SEMA6D: variants seen among roughly 807,000 people sequenced by gnomAD.
SEMA6D encodes the protein semaphorin-6D.
In SEMA6D, 35 loss-of-function variants were observed where a neutral mutation model predicts 106.6. The observed-to-expected ratio is 0.33, with a 90% CI of 0.25 to 0.44. The LOEUF (loss-of-function observed/expected upper bound fraction) is 0.44. SEMA6D is among the 20% of genes least tolerant of loss of function. SEMA6D has a pLI of 1.00. For synonymous variants in SEMA6D, 499 were observed against 487.7 expected (o/e 1.02, Z -0.31); for missense variants, 1,185 against 1,345.9 (o/e 0.88, Z 1.87).
At chr15:47,248,124 C>T (rs1432657807) in intron 1 of SEMA6D, among the ~76,000 whole-genome samples, 1 of 152,122 alleles carries the variant, frequency 6.6e-6, no homozygotes, top group African/African-American at 2.4e-5. Context: ...AGCCATGAAC[C>T]CAGTGGAACC....
At chr15:47,263,617 A>G (rs2034179373) in intron 1 of SEMA6D, among the ~76,000 whole-genome samples, 2 of 151,984 alleles carry the variant, frequency 1.3e-5, no homozygotes, top group South Asian at 4.1e-4. Context: ...AATTAGTTCA[A>G]CCATTGCGGA....
chr15:47,477,323 T>A (rs560759869), intron 3 of SEMA6D, among the ~76,000 whole-genome samples: 2 of 152,204 alleles, frequency 1.3e-5, no homozygotes, highest in East Asian at 3.9e-4. Context: ...CTTCTTGGGG[T>A]TATCTGGTTG....
At chr15:47,293,969 T>C (rs1207079892) in intron 1 of SEMA6D, among the ~76,000 whole-genome samples, 1 of 152,194 alleles carries the variant, frequency 6.6e-6, no homozygotes, top group African/African-American at 2.4e-5. Flanking sequence ...TTGGTATTTA[T>C]TCTGCAACGT....
chr15:47,702,716 C>T (rs2078837649), intron 4 of SEMA6D, among the ~76,000 whole-genome samples: 1 of 151,974 alleles, frequency 6.6e-6, no homozygotes, highest in Admixed American at 6.6e-5. Context: ...TATGAAAAGA[C>T]ATGTGAGGAA....
chr15:47,604,514 C>T (rs1398762318), intron 4 of SEMA6D, among the ~76,000 whole-genome samples: 1 of 152,154 alleles, frequency 6.6e-6, no homozygotes, highest in African/African-American at 2.4e-5. Flanking sequence ...GTCCAGGAGA[C>T]GTCTTGAAAC....
chr15:47,251,920 T>TCTTCA (rs1341926900), intron 1 of SEMA6D, among the ~76,000 whole-genome samples: 2 of 131,970 alleles, frequency 1.5e-5, no homozygotes, highest in African/African-American at 5.9e-5. Context: ...TTTTTTTTTT[T>TCTTCA]TTTTTTTTTT....
At chr15:47,409,693 C>T (rs1015916554) in intron 1 of SEMA6D, among the ~76,000 whole-genome samples, 11 of 151,986 alleles carry the variant, frequency 7.2e-5, no homozygotes, top group Admixed American at 2.6e-4. Flanking sequence ...AGTTATTTGT[C>T]AAAAGCCACC....
At chr15:47,440,731 T>C (rs1356699925) in intron 2 of SEMA6D, among the ~76,000 whole-genome samples, 2 of 152,058 alleles carry the variant, frequency 1.3e-5, no homozygotes, top group African/African-American at 4.8e-5. Flanking sequence ...GGATTTTGTG[T>C]TGGTCAATAA....
intron 4 of SEMA6D, among the ~76,000 whole-genome samples, chr15:47,648,479 A>AGAATGAATGAAT (rs112820950): frequency 0.076 from 11,551 of 151,014 alleles, 534 homozygotes; most frequent in Middle Eastern, 0.11. Flanking sequence ...ACTGGGTTGG[A>AGAATGAATGAAT]GAATGAATGA....
At chr15:47,744,604 C>T (rs1271217605) in intron 1 of SEMA6D, among the ~76,000 whole-genome samples, 6 of 152,066 alleles carry the variant, frequency 3.9e-5, no homozygotes, top group East Asian at 1.9e-4. Context: ...TCATCTGGGA[C>T]GCCATCAGAA....
intron 1 of SEMA6D, among the ~76,000 whole-genome samples, chr15:47,187,431 A>G (rs1404804521): frequency 6.6e-6 from 1 of 152,176 alleles, no homozygotes; most frequent in Non-Finnish European, 1.5e-5. Flanking sequence ...CAAAACTTAT[A>G]TTTAAACGTA....
chr15:47,196,852 A>G (rs1392722531), intron 1 of SEMA6D, among the ~76,000 whole-genome samples: 5 of 152,196 alleles, frequency 3.3e-5, no homozygotes, highest in Admixed American at 2.0e-4. Context: ...CATAATATCA[A>G]TTATAGAAGA....
At chr15:47,541,680 G>A (rs1055143463) in intron 3 of SEMA6D, among the ~76,000 whole-genome samples, 3 of 152,180 alleles carry the variant, frequency 2.0e-5, no homozygotes, top group South Asian at 2.1e-4. Context: ...ATCTACAGAT[G>A]ATCGGGGGAA....
At chr15:47,672,213 C>G (rs2413880) in intron 4 of SEMA6D, among the ~76,000 whole-genome samples, 3 of 152,160 alleles carry the variant, frequency 2.0e-5, no homozygotes, top group African/African-American at 7.2e-5. Flanking sequence ...GAAGCCTGGC[C>G]TCAGAGCCTG....
At chr15:47,523,983 C>T (rs1463816162) in intron 3 of SEMA6D, among the ~76,000 whole-genome samples, 2 of 152,156 alleles carry the variant, frequency 1.3e-5, no homozygotes, top group Non-Finnish European at 2.9e-5. Context: ...ATGTTAAACA[C>T]CCTCGGCAGA....
chr15:47,218,138 T>G lies in SEMA6D; in HGVS notation c.-239+33720T>G, dbSNP rs369350342. Among the ~76,000 whole-genome samples the G allele has an allele frequency of 3.3e-5, 5 of 152,258 alleles. No homozygotes were observed. The East Asian group carries it at 9.7e-4, about 29-fold the overall frequency. ...CTAGGTTGTTATTGTTATTGTTTGT[T>G]TTCATTGGGAAAATGAAGGAAATGC... On this transcript the variant is annotated intron_variant, in intron 1 of 19. Coordinates refer to the SEMA6D transcript ENST00000558014.
chr15:47,230,950 C>CT (rs761030465), intron 1 of SEMA6D, among the ~76,000 whole-genome samples: 9 of 151,994 alleles, frequency 5.9e-5, no homozygotes, highest in Non-Finnish European at 1.2e-4. Flanking sequence ...ACTAGTGAGA[C>CT]TTTAACAGGC....
chr15:47,474,082 A>T (rs1240750053), intron 3 of SEMA6D, among the ~76,000 whole-genome samples: 2 of 152,178 alleles, frequency 1.3e-5, no homozygotes, highest in East Asian at 3.9e-4. Context: ...AGCTGGCTGG[A>T]CCTTGGAAGG....
chr15:47,622,461 G>A (rs528472810), intron 4 of SEMA6D, among the ~76,000 whole-genome samples: 1 of 152,262 alleles, frequency 6.6e-6, no homozygotes, highest in East Asian at 1.9e-4. Flanking sequence ...TGTAGAATCA[G>A]CCAAATCTGC....
Sources: gnomAD v4.1 joint callset for allele counts (sites outside exome capture counted in the v4.1 genomes callset) on GRCh38, gnomAD v4.1.1 for gene constraint, MANE v1.5 for transcripts, NCBI Gene and HGNC (gene_info 2026-07-23, HGNC 2026-07-21) for gene names.